The following DENND1A variants were observed in gnomAD, a reference collection of about 807,000 sequenced individuals.
DENND1A encodes the protein DENN domain containing 1A.
Under a neutral mutation model 113.7 loss-of-function variants are expected in DENND1A, and 51 were observed. The observed-to-expected ratio is 0.45, with a 90% CI of 0.36 to 0.57. DENND1A has a LOEUF of 0.57. Ranked by LOEUF, DENND1A falls within the 20% of genes least tolerant of loss-of-function variation. The pLI is 0.00. For missense variants in DENND1A, 1,258 were observed against 1,395.9 expected (o/e 0.90, Z 1.57); for synonymous variants, 565 against 570.8 (o/e 0.99, Z 0.14).
At chr9:123,710,325 A>G (rs1300396586) in intron 5 of DENND1A, among the ~76,000 whole-genome samples, 2 of 152,224 alleles carry the variant, frequency 1.3e-5, no homozygotes. Flanking sequence ...TTTTGCAAAA[A>G]CACACCATGT....
chr9:123,516,107 TACACACACACAC>T (rs199923277), intron 13 of DENND1A, among the ~76,000 whole-genome samples: 10,524 of 138,540 alleles, frequency 0.076, 669 homozygotes, highest in East Asian at 0.22. Flanking sequence ...TACACACACA[TACACACACACAC>T]ACACACACAC....
At chr9:123,690,074 GAAGAAGGAA>G (rs2065077015) in intron 5 of DENND1A, among the ~76,000 whole-genome samples, 1 of 87,562 alleles carries the variant, frequency 1.1e-5, no homozygotes, top group Non-Finnish European at 2.2e-5. Flanking sequence ...GGGAGGGAGG[GAAGAAGGAA>G]AGGAGGGAGG....
chr9:123,402,587 C>A (rs1203980473), intron 21 of DENND1A: 1 of 534,718 alleles, frequency 1.9e-6, no homozygotes, highest in East Asian at 5.4e-5. Flanking sequence ...AATCCTAGAC[C>A]AAGACGAACT....
chr9:123,781,074 C>T (rs1831237611), intron 3 of DENND1A, among the ~76,000 whole-genome samples: 1 of 152,214 alleles, frequency 6.6e-6, no homozygotes, highest in African/African-American at 2.4e-5. Context: ...CAGGCATTCA[C>T]ACAGCTAAGA....
intron 2 of DENND1A, chr9:123,843,333 T>A: frequency 2.7e-6 from 1 of 373,616 alleles, no homozygotes; most frequent in Non-Finnish European, 5.3e-6. Context: ...ATTTTTGTTC[T>A]ATATGGAGCT....
intron 11 of DENND1A, among the ~76,000 whole-genome samples, chr9:123,607,542 G>C (rs2060222522): frequency 7.8e-6 from 1 of 127,418 alleles, no homozygotes; most frequent in African/African-American, 3.0e-5. Context: ...GAGAGAGAGA[G>C]AGAGAGTGTG....
intron 12 of DENND1A, among the ~76,000 whole-genome samples, chr9:123,567,294 T>C (rs1222717109): frequency 6.6e-6 from 1 of 152,222 alleles, no homozygotes; most frequent in Non-Finnish European, 1.5e-5. Context: ...GGCTTTTCAG[T>C]TGTCAACATG....
chr9:123,925,626 T>C (rs181369151), intron 1 of DENND1A, among the ~76,000 whole-genome samples: 3 of 152,340 alleles, frequency 2.0e-5, no homozygotes, highest in Admixed American at 2.0e-4. Flanking sequence ...CCAGGCACAG[T>C]ATTGCCACTA....
intron 19 of DENND1A, among the ~76,000 whole-genome samples, chr9:123,423,525 A>G (rs1368313400): frequency 3.9e-5 from 6 of 152,102 alleles, no homozygotes; most frequent in Non-Finnish European, 7.4e-5. Context: ...AAAGGCCTCA[A>G]GGTCAGCGTG....
At chr9:123,734,037 T>C (rs1249426724) in intron 5 of DENND1A, among the ~76,000 whole-genome samples, 6 of 152,292 alleles carry the variant, frequency 3.9e-5, no homozygotes, top group Non-Finnish European at 8.8e-5. Context: ...ACATAGTTCA[T>C]AGTTCACTGT....
intron 19 of DENND1A, among the ~76,000 whole-genome samples, chr9:123,427,457 T>C (rs1312040682): frequency 2.6e-5 from 4 of 152,092 alleles, no homozygotes; most frequent in African/African-American, 9.7e-5. Flanking sequence ...GCTGTGCCCA[T>C]CTCTACACCC....
intron 1 of DENND1A, among the ~76,000 whole-genome samples, chr9:123,880,684 C>A (rs186016017): frequency 6.6e-6 from 1 of 152,150 alleles, no homozygotes; most frequent in African/African-American, 2.4e-5. Flanking sequence ...AGGATTACTA[C>A]AACCATACAA....
intron 19 of DENND1A, among the ~76,000 whole-genome samples, chr9:123,419,758 G>A (rs1169262932): frequency 6.6e-6 from 1 of 152,270 alleles, no homozygotes; most frequent in East Asian, 1.9e-4. Flanking sequence ...TTTTTGTGGA[G>A]TGTCTCCTTT....
At chr9:123,599,372 G>T (rs1236807953) in intron 11 of DENND1A, among the ~76,000 whole-genome samples, 1 of 151,996 alleles carries the variant, frequency 6.6e-6, no homozygotes, top group Non-Finnish European at 1.5e-5. Context: ...AGTTTAGCAG[G>T]GGGGAAAAAA....
chr9:123,811,738 G>A (rs571222773), intron 2 of DENND1A, among the ~76,000 whole-genome samples: 3 of 152,310 alleles, frequency 2.0e-5, no homozygotes, highest in Middle Eastern at 3.4e-3. Flanking sequence ...CAGCCAGGGC[G>A]ACAGAGCAAG....
chr9:123,817,352 T>G (rs1264095523), intron 2 of DENND1A, among the ~76,000 whole-genome samples: 2 of 152,214 alleles, frequency 1.3e-5, no homozygotes, highest in African/African-American at 4.8e-5. Flanking sequence ...ATAAATGTGT[T>G]GGTCCACACG....
At chr9:123,418,897 T>C (rs1380134078) in intron 19 of DENND1A, among the ~76,000 whole-genome samples, 1 of 152,198 alleles carries the variant, frequency 6.6e-6, no homozygotes, top group Non-Finnish European at 1.5e-5. Context: ...ATGATGTTTG[T>C]GCATGGGGCA....
chr9:123,475,828 G>A (rs1168800401), intron 13 of DENND1A, among the ~76,000 whole-genome samples: 3 of 152,328 alleles, frequency 2.0e-5, no homozygotes, highest in Admixed American at 1.3e-4. Context: ...CTCCATATAC[G>A]TATGTAGGTG....
intron 13 of DENND1A, among the ~76,000 whole-genome samples, chr9:123,534,750 C>A (rs563801958): frequency 3.9e-5 from 6 of 152,300 alleles, no homozygotes; most frequent in African/African-American, 1.4e-4. Context: ...AGTTTATAAA[C>A]CATTCATGTT....
Sources: gnomAD v4.1 joint callset for allele counts (sites outside exome capture counted in the v4.1 genomes callset) on GRCh38, gnomAD v4.1.1 for gene constraint, MANE v1.5 for transcripts, NCBI Gene and HGNC (gene_info 2026-07-23, HGNC 2026-07-21) for gene names.